Variants in CDH13 observed in about 807,000 individuals in gnomAD.
The protein encoded by CDH13 is cadherin 13.
CDH13 carries 24 observed loss-of-function variants against 63.8 expected under a neutral mutation model. The observed-to-expected ratio is 0.38, with a 90% CI of 0.27 to 0.53. CDH13 has a LOEUF of 0.53. CDH13 is among the 20% of genes least tolerant of loss of function. CDH13 has a pLI of 0.85. For missense variants in CDH13, 1,049 were observed against 903.1 expected (o/e 1.16, Z -2.07); for synonymous variants, 503 against 355.3 (o/e 1.42, Z -4.67).
intron 6 of CDH13, among the ~76,000 whole-genome samples, chr16:83,431,508 C>G (rs1484985902): frequency 6.6e-6 from 1 of 151,932 alleles, no homozygotes; most frequent in Non-Finnish European, 1.5e-5. Flanking sequence ...AACTAACTAC[C>G]TGAGGATGGG....
chr16:83,354,215 T>C (rs1452275659), intron 6 of CDH13, among the ~76,000 whole-genome samples: 1 of 152,238 alleles, frequency 6.6e-6, no homozygotes, highest in Non-Finnish European at 1.5e-5. Flanking sequence ...ACCAGCGCCG[T>C]TGGATCCTAT....
intron 7 of CDH13, among the ~76,000 whole-genome samples, chr16:83,535,846 A>C (rs573383448): frequency 1.4e-5 from 2 of 138,024 alleles, no homozygotes; most frequent in Non-Finnish European, 3.2e-5. Context: ...GAAGGAAGGG[A>C]GGGAGGGAGG....
intron 2 of CDH13, among the ~76,000 whole-genome samples, chr16:82,889,720 C>G (rs1017927094): frequency 6.6e-6 from 1 of 152,160 alleles, no homozygotes; most frequent in Non-Finnish European, 1.5e-5. Context: ...CTATGTTGTA[C>G]TTAATATTAT....
intron 4 of CDH13, among the ~76,000 whole-genome samples, chr16:83,175,844 T>C (rs2038099200): frequency 1.0e-5 from 1 of 99,108 alleles, no homozygotes; most frequent in Admixed American, 9.1e-5. Flanking sequence ...TTTTTTTTTT[T>C]TGAGACGGAG....
intron 7 of CDH13, among the ~76,000 whole-genome samples, chr16:83,599,227 G>GC (rs1907555189): frequency 6.6e-6 from 1 of 152,184 alleles, no homozygotes; most frequent in African/African-American, 2.4e-5. Flanking sequence ...AATCTGTACT[G>GC]GAAGTTGAAG....
chr16:83,530,082 C>G, intron 7 of CDH13, among the ~76,000 whole-genome samples: 1 of 152,130 alleles, frequency 6.6e-6, no homozygotes, highest in Non-Finnish European at 1.5e-5. Flanking sequence ...TGTCTGTCTT[C>G]CTTCTAAACC....
chr16:82,775,739 G>A (rs574323269), intron 1 of CDH13, among the ~76,000 whole-genome samples: 1 of 152,216 alleles, frequency 6.6e-6, no homozygotes, highest in African/African-American at 2.4e-5. Flanking sequence ...AGATCAGTTG[G>A]GTAAAGCTCT....
At chr16:83,194,650 A>T (rs536193674) in intron 4 of CDH13, among the ~76,000 whole-genome samples, 1 of 152,342 alleles carries the variant, frequency 6.6e-6, no homozygotes, top group Non-Finnish European at 1.5e-5. Flanking sequence ...ACTTAACTAA[A>T]TCTTTTTTCT....
intron 10 of CDH13, among the ~76,000 whole-genome samples, chr16:83,746,302 C>T (rs1040184765): frequency 6.6e-6 from 1 of 152,160 alleles, no homozygotes. Flanking sequence ...TTTGTGGCCA[C>T]ATCACTCCAA....
At chr16:82,927,169 G>A (rs1294399886) in intron 2 of CDH13, among the ~76,000 whole-genome samples, 3 of 152,130 alleles carry the variant, frequency 2.0e-5, no homozygotes, top group African/African-American at 7.2e-5. Flanking sequence ...GGTGCCAAGA[G>A]TGAGCATCCC....
chr16:82,664,373 A>C (rs934988773), intron 1 of CDH13, among the ~76,000 whole-genome samples: 1 of 152,232 alleles, frequency 6.6e-6, no homozygotes, highest in African/African-American at 2.4e-5. Flanking sequence ...AATTCATGGC[A>C]GTGCCTGGTG....
At chr16:83,108,851 A>G (rs1406374523) in intron 3 of CDH13, among the ~76,000 whole-genome samples, 1 of 152,108 alleles carries the variant, frequency 6.6e-6, no homozygotes, top group Non-Finnish European at 1.5e-5. Context: ...GGGAGCTGGG[A>G]TATAAATCCC....
chr16:83,652,962 C>A (rs1912527403), intron 8 of CDH13, among the ~76,000 whole-genome samples: 1 of 152,206 alleles, frequency 6.6e-6, no homozygotes, highest in Non-Finnish European at 1.5e-5. Context: ...GGAATGCTTT[C>A]AGCCACACAA....
intron 1 of CDH13, among the ~76,000 whole-genome samples, chr16:82,666,958 A>C (rs1408146980): frequency 2.6e-5 from 4 of 152,166 alleles, no homozygotes; most frequent in Non-Finnish European, 5.9e-5. Context: ...CCCTGAGATG[A>C]GTTCAGGAAT....
chr16:83,543,376 A>C (rs1263542235), intron 7 of CDH13, among the ~76,000 whole-genome samples: 2 of 152,226 alleles, frequency 1.3e-5, no homozygotes, highest in Non-Finnish European at 2.9e-5. Flanking sequence ...ATTAAATGAC[A>C]TGGCTCCTTT....
chr16:82,802,111 TCC>T (rs1221197486), intron 1 of CDH13, among the ~76,000 whole-genome samples: 1 of 121,252 alleles, frequency 8.2e-6, no homozygotes, highest in African/African-American at 4.2e-5. Flanking sequence ...ATCTATCATC[TCC>T]CTCTCATTGG....
At chr16:82,801,774 G>A (rs2036866031) in intron 1 of CDH13, among the ~76,000 whole-genome samples, 1 of 152,198 alleles carries the variant, frequency 6.6e-6, no homozygotes, top group Non-Finnish European at 1.5e-5. Flanking sequence ...TTCTTGAACT[G>A]TTGAATCTAT....
At chr16:82,932,572 G>A (rs560650462) in intron 2 of CDH13, among the ~76,000 whole-genome samples, 36 of 152,276 alleles carry the variant, frequency 2.4e-4, no homozygotes, top group East Asian at 1.5e-3. Context: ...GATCTAGCCC[G>A]TCCAGTGAGG....
intron 5 of CDH13, among the ~76,000 whole-genome samples, chr16:83,257,807 C>T (rs140668342): frequency 3.9e-4 from 60 of 152,178 alleles, no homozygotes; most frequent in African/African-American, 1.3e-3. Flanking sequence ...CTGGGTTGAA[C>T]GCTATTTGTA....
Sources: gnomAD v4.1 joint callset for allele counts (sites outside exome capture counted in the v4.1 genomes callset) on GRCh38, gnomAD v4.1.1 for gene constraint, MANE v1.5 for transcripts, NCBI Gene and HGNC (gene_info 2026-07-23, HGNC 2026-07-21) for gene names.